STPG2: variants seen among roughly 807,000 people sequenced by gnomAD.
The protein encoded by STPG2 is sperm tail PG-rich repeat containing 2.
A neutral mutation model predicts 54.2 loss-of-function variants in STPG2; 56 were observed. The ratio of observed to expected loss-of-function variants is 1.03; its 90% confidence interval spans 0.83 to 1.29. The LOEUF (loss-of-function observed/expected upper bound fraction) is 1.29, where lower values mean the gene tolerates loss of function less well. Ranked by LOEUF, STPG2 falls within the 50% of genes most tolerant of loss-of-function variation. The pLI is 0.00. For missense variants in STPG2, 596 were observed against 544.9 expected, an observed-to-expected ratio of 1.09 and a Z score of -0.93; for synonymous variants, 200 against 181.8, an observed-to-expected ratio of 1.10 and a Z score of -0.81.
intron 5 of STPG2, among the ~76,000 whole-genome samples, chr4:97,984,181 CAG>C (rs1451741840): frequency 2.6e-5 from 4 of 152,130 alleles, no homozygotes; most frequent in East Asian, 3.9e-4. Context: ...TTTTCTGAGA[CAG>C]AGTCTCATTC....
At chr4:97,792,364 G>C (rs1727029372) in intron 9 of STPG2, among the ~76,000 whole-genome samples, 1 of 151,978 alleles carries the variant, frequency 6.6e-6, no homozygotes, top group Non-Finnish European at 1.5e-5. Flanking sequence ...ATTAATCCTT[G>C]ACTTCTCCCT....
At chr4:97,928,874 A>G (rs1405547807) in intron 8 of STPG2, among the ~76,000 whole-genome samples, 1 of 151,986 alleles carries the variant, frequency 6.6e-6, no homozygotes, top group Non-Finnish European at 1.5e-5. Context: ...AAATAAACCA[A>G]TTTTATTTTT....
intron 8 of STPG2, among the ~76,000 whole-genome samples, chr4:97,934,707 G>A (rs1174447219): frequency 2.0e-5 from 3 of 152,144 alleles, no homozygotes; most frequent in Non-Finnish European, 2.9e-5. Flanking sequence ...CAGGGATGAA[G>A]CCGACATGAC....
intron 5 of STPG2, among the ~76,000 whole-genome samples, chr4:97,981,671 G>T (rs10440379): frequency 0.4 from 59,810 of 150,906 alleles, 12,006 homozygotes; most frequent in Middle Eastern, 0.45. Context: ...GATCTAACAC[G>T]TTATTTTATG....
At chr4:97,748,037 C>G (rs1725474694) in intron 9 of STPG2, among the ~76,000 whole-genome samples, 1 of 151,464 alleles carries the variant, frequency 6.6e-6, no homozygotes, top group Non-Finnish European at 1.5e-5. Context: ...CTCCCCATTT[C>G]TACATTTGTT....
chr4:97,653,128 T>TAGAG (rs1560704456), intron 10 of STPG2, among the ~76,000 whole-genome samples: 1 of 151,810 alleles, frequency 6.6e-6, no homozygotes, highest in East Asian at 1.9e-4. Context: ...GATAGATAGA[T>TAGAG]AGATAGACAG....
rs1359147477 is a variant in STPG2, at chr4:97,576,378, A to T, written c.1321-17261T>A. ...TGACTACAAGCCATACTACGAGGCT[A>T]TGGTAACCAAAACAGCATGCAACTG... is the stretch of plus-strand genomic sequence containing the variant. On this transcript the variant is annotated intron_variant, in intron 10 of 10. Coordinates refer to ENST00000295268, the MANE Select transcript of STPG2 (RefSeq NM_174952.3). 2.0e-5 allele frequency among the ~76,000 whole-genome samples: 3 copies of T among 152,068 alleles called. No individual in the cohort carries two copies. The South Asian group carries it at 6.2e-4, about 31-fold the overall frequency.
chr4:97,566,569 G>T (rs1732451772), intron 10 of STPG2, among the ~76,000 whole-genome samples: 1 of 152,094 alleles, frequency 6.6e-6, no homozygotes, highest in South Asian at 2.1e-4. Flanking sequence ...GTTCCTATTT[G>T]GCCATCTTGG....
chr4:97,811,228 C>T (rs1394839854), intron 9 of STPG2, among the ~76,000 whole-genome samples: 1 of 151,830 alleles, frequency 6.6e-6, no homozygotes, highest in African/African-American at 2.4e-5. Flanking sequence ...GAGACAAATA[C>T]TGAAAATGCA....
intron 4 of STPG2, among the ~76,000 whole-genome samples, chr4:97,540,015 G>A (rs747561374): frequency 6.6e-6 from 1 of 152,158 alleles, no homozygotes; most frequent in Non-Finnish European, 1.5e-5. Flanking sequence ...ATGCCCACAA[G>A]AGAAAGTGGC....
At chr4:97,871,227 A>G (rs1404477860) in intron 8 of STPG2, among the ~76,000 whole-genome samples, 1 of 151,148 alleles carries the variant, frequency 6.6e-6, no homozygotes, top group Non-Finnish European at 1.5e-5. Context: ...TCTCATATAA[A>G]AGATGTAGGA....
intron 10 of STPG2, among the ~76,000 whole-genome samples, chr4:97,695,076 G>T (rs1414799207): frequency 8.2e-6 from 1 of 121,794 alleles, no homozygotes; most frequent in Admixed American, 9.5e-5. Flanking sequence ...GAAAATAGAT[G>T]CAAAAATCCT....
chr4:97,783,778 G>A (rs577127952), intron 9 of STPG2, among the ~76,000 whole-genome samples: 8 of 152,238 alleles, frequency 5.3e-5, no homozygotes, highest in Admixed American at 3.9e-4. Context: ...TTGTAGAGAC[G>A]TGGATGAAGC....
chr4:98,066,076 A>C (rs1252471157), intron 5 of STPG2, among the ~76,000 whole-genome samples: 1 of 149,066 alleles, frequency 6.7e-6, no homozygotes, highest in African/African-American at 2.5e-5. Flanking sequence ...GGCTGAGAGA[A>C]GTTTGTTTCA....
intron 9 of STPG2, among the ~76,000 whole-genome samples, chr4:97,742,148 G>A (rs1283710918): frequency 6.6e-6 from 1 of 151,822 alleles, no homozygotes; most frequent in Non-Finnish European, 1.5e-5. Flanking sequence ...CTCACTCATA[G>A]GTGGGAATTG....
chr4:97,933,226 T>C (rs921735740), intron 8 of STPG2, among the ~76,000 whole-genome samples: 20 of 152,140 alleles, frequency 1.3e-4, no homozygotes, highest in African/African-American at 4.8e-4. Context: ...TTTTTTCTTG[T>C]AAATTTGTTT....
chr4:98,109,192 C>G lies in STPG2; in HGVS notation c.500+1G>C, dbSNP rs1739273833. ...AAGGTATACTATATTTTTTTACTTA[C>G]TGGACTATATCATACTGTCCTGGAC... is the stretch of plus-strand genomic sequence containing the variant. On this transcript the variant is annotated splice_donor_variant, in intron 4 of 10. Transcript: ENST00000295268. LOFTEE classifies it high-confidence loss of function. 2.6e-6 allele frequency: 4 copies of G among 1,527,548 alleles called. No homozygotes were observed. The highest frequency in any genetic ancestry group is 3.5e-6 in the Non-Finnish European group (4 of 1,127,740). The allele number at this position is 1,527,548 out of a possible 1,614,324, so 94.6% of individuals were successfully genotyped here. A position where few individuals can be genotyped will look rare whatever the true frequency, so the allele number is the denominator to read the frequency against.
At chr4:97,895,334 A>G (rs1449731261) in intron 8 of STPG2, among the ~76,000 whole-genome samples, 2 of 151,916 alleles carry the variant, frequency 1.3e-5, no homozygotes, top group Admixed American at 6.6e-5. Flanking sequence ...ATCAACACTG[A>G]TATCACATAA....
At chr4:97,496,478 G>GA (rs765619258) in intron 4 of STPG2, among the ~76,000 whole-genome samples, 4 of 151,646 alleles carry the variant, frequency 2.6e-5, no homozygotes, top group South Asian at 2.1e-4. Flanking sequence ...CCCGCTGCTA[G>GA]AAAAAATGTA....
Sources: allele counts gnomAD v4.1 joint callset (sites outside exome capture counted in the v4.1 genomes callset), GRCh38; gene constraint gnomAD v4.1.1; transcripts MANE v1.5; gene names NCBI Gene and HGNC (gene_info 2026-07-23, HGNC 2026-07-21).